Variants in USP49 observed in about 807,000 individuals in gnomAD.
USP49 encodes ubiquitin specific peptidase 49, also known as ubiquitin carboxyl-terminal hydrolase 49.
In USP49, 24 loss-of-function variants were observed where a neutral mutation model predicts 58.6. That is an observed-to-expected ratio of 0.41 (90% CI 0.30 to 0.58). USP49 has a LOEUF of 0.58. Ranked by LOEUF, USP49 falls within the 20% of genes least tolerant of loss-of-function variation. The pLI is 0.30. For synonymous variants in USP49, 408 were observed against 365.1 expected, an observed-to-expected ratio of 1.12 and a Z score of -1.34; for missense variants, 703 against 866.1, an observed-to-expected ratio of 0.81 and a Z score of 2.36.
At chr6:41,836,744 G>A (rs946087245) in intron 3 of USP49, among the ~76,000 whole-genome samples, 1 of 152,020 alleles carries the variant, frequency 6.6e-6, no homozygotes, top group African/African-American at 2.4e-5. Context: ...CTTCAGTAAA[G>A]TTTCAGGGTG....
chr6:41,852,334 A>C (rs1043443920), intron 3 of USP49, among the ~76,000 whole-genome samples: 1 of 152,230 alleles, frequency 6.6e-6, no homozygotes, highest in Non-Finnish European at 1.5e-5. Flanking sequence ...TCAGAAAAGA[A>C]AGAAAAAGAA....
intron 2 of USP49, among the ~76,000 whole-genome samples, chr6:41,876,256 T>A (rs1561925185): frequency 6.6e-6 from 1 of 152,018 alleles, no homozygotes. Flanking sequence ...TGTTTTGGAG[T>A]GGAAACATAT....
chr6:41,879,732 T>G, intron 2 of USP49, among the ~76,000 whole-genome samples: 1 of 152,200 alleles, frequency 6.6e-6, no homozygotes, highest in African/African-American at 2.4e-5. Context: ...GAAACATCCC[T>G]AGCCATTTTC....
At chr6:41,855,535 C>A (rs1774113308) in intron 3 of USP49, among the ~76,000 whole-genome samples, 1 of 152,062 alleles carries the variant, frequency 6.6e-6, no homozygotes, top group Non-Finnish European at 1.5e-5. Context: ...AACAGACAAA[C>A]AAAAGAAAAG....
At position 41,806,099 on chromosome 6, in the gene USP49, T is replaced by C. The variant is rs759360311; in HGVS notation, c.885A>G (p.Lys295=). 2.5e-6 allele frequency: 4 copies of C among 1,613,998 alleles called. No individual in the cohort carries two copies. Among genetic ancestry groups the C allele is most frequent in the Admixed American group, 1.7e-5 (1 of 60,032 alleles). ...DPSKTEHLFP[K]ATNGKTQLSG... is the part of the protein sequence containing the mutation. ...AAAGCTGAGTCTTCCCGTTGGTGGC[T>C]TTGGGAAACAGATGTTCCGTTTTGG... Residue 295 remains lysine (K), a synonymous_variant, in exon 4 of 8, where the codon AAA becomes AAG. Coordinates refer to ENST00000682992, the MANE Select transcript of USP49 (RefSeq NM_001286554.2). The surrounding 1 kb of genome is among the most constrained non-coding windows in gnomAD (Gnocchi z 5.9).
rs1739192759 is a variant in USP49 at position 41,800,769 on chromosome 6, T to C, written c.1562-831A>G. 2.6e-5 allele frequency among the ~76,000 whole-genome samples: 4 copies of C among 152,238 alleles called. No homozygotes were observed. In the South Asian group the frequency reaches 8.3e-4, roughly 32 times the overall value. On this transcript the variant is annotated intron_variant, in intron 5 of 7. Coordinates refer to ENST00000682992, the MANE Select transcript of USP49 (RefSeq NM_001286554.2). ...GGAAAAAAAGGATAAGATTACTAAA[T>C]GATAGAGTATTTAAACACATTTTTT...
intron 3 of USP49, among the ~76,000 whole-genome samples, chr6:41,851,703 C>G (rs1408184695): frequency 1.3e-5 from 2 of 151,310 alleles, no homozygotes; most frequent in African/African-American, 4.9e-5. Flanking sequence ...ACCTGTAATC[C>G]CAGCACTTTG....
intron 2 of USP49, among the ~76,000 whole-genome samples, chr6:41,890,378 C>CA (rs34841111): frequency 0.53 from 72,269 of 135,408 alleles, 18,566 homozygotes; most frequent in Middle Eastern, 0.62. Flanking sequence ...TACTCCAACT[C>CA]AAAAAAAAAA....
intron 2 of USP49, among the ~76,000 whole-genome samples, chr6:41,885,388 A>T (rs1361057565): frequency 6.6e-6 from 1 of 152,200 alleles, no homozygotes; most frequent in Non-Finnish European, 1.5e-5. Flanking sequence ...TCCAAATGTT[A>T]ACTAGTATAC....
intron 3 of USP49, among the ~76,000 whole-genome samples, chr6:41,819,158 A>G (rs985947692): frequency 6.6e-6 from 1 of 152,156 alleles, no homozygotes; most frequent in African/African-American, 2.4e-5. Context: ...CAGCATGTGG[A>G]TATCTGCAAG....
At chr6:41,851,259 A>G (rs1011235861) in intron 3 of USP49, among the ~76,000 whole-genome samples, 1 of 152,254 alleles carries the variant, frequency 6.6e-6, no homozygotes, top group Non-Finnish European at 1.5e-5. Flanking sequence ...TGGAAAATTC[A>G]GTAGCATGTT....
intron 2 of USP49, among the ~76,000 whole-genome samples, chr6:41,883,643 T>TA (rs908801164): frequency 4.1e-4 from 62 of 150,954 alleles, no homozygotes; most frequent in Middle Eastern, 3.4e-3. Context: ...AATAAATAAA[T>TA]AAATAAAATA....
intron 2 of USP49, 72 bp downstream of exon 2, chr6:41,891,722 A>C (rs568363129): frequency 6.6e-6 from 1 of 152,324 alleles, no homozygotes; most frequent in African/African-American, 2.4e-5. Flanking sequence ...AATGCTTGCA[A>C]AGATTATCTA....
chr6:41,824,933 C>T lies in USP49; in HGVS notation c.-28-17922G>A, dbSNP rs567029798. Reference sequence around the variant, plus strand: ...CAAAGACGTGGACTGTGCATGAACCCTCATCTCTTGTACAAGAATAAAGCA... The same window carrying T: ...CAAAGACGTGGACTGTGCATGAACCTTCATCTCTTGTACAAGAATAAAGCA... On this transcript the variant is annotated intron_variant, in intron 3 of 7. Coordinates refer to ENST00000682992, the MANE Select transcript of USP49 (RefSeq NM_001286554.2). 2.6e-5 allele frequency among the ~76,000 whole-genome samples: 4 copies of T among 152,282 alleles called. No individual in the cohort carries two copies. The South Asian group carries it at 8.3e-4, about 32-fold the overall frequency.
At chr6:41,813,693 C>T (rs1032487844) in intron 3 of USP49, among the ~76,000 whole-genome samples, 3 of 152,150 alleles carry the variant, frequency 2.0e-5, no homozygotes, top group Non-Finnish European at 4.4e-5. Context: ...AGAGTAAATC[C>T]ATTCAGGAAA....
rs1459318824 is a variant in USP49, at chr6:41,881,008, T to C, written c.-102-9371A>G. ...AGTGCAGTGGTATGGTCTTGGCTCA[T>C]TGCAACCTCTGTCTTCCGGATTCCA... On this transcript the variant is annotated intron_variant, in intron 2 of 7. Coordinates refer to ENST00000682992, the MANE Select transcript of USP49 (RefSeq NM_001286554.2). 3.9e-5 allele frequency among the ~76,000 whole-genome samples: 6 copies of C among 151,986 alleles called. No individual in the cohort carries two copies. In the East Asian group the frequency reaches 7.7e-4, roughly 20 times the overall value.
rs116376237 is a variant in USP49 at position 41,828,967 on chromosome 6, T to C, written c.-28-21956A>G. Among the ~76,000 whole-genome samples the C allele has an allele frequency of 5.3e-3, 813 of 152,316 alleles. 3 individuals carry two copies. The highest frequency in any genetic ancestry group is 8.6e-3 in the Non-Finnish European group (588 of 68,024). On this transcript the variant is annotated intron_variant, in intron 3 of 7. Coordinates refer to ENST00000682992, the MANE Select transcript of USP49 (RefSeq NM_001286554.2). Reference sequence around the variant, plus strand: ...TTATTATATGAAGTCCTCCCATCCATGAACATGCTATCTCTCTGTTTATCC... The same window carrying C: ...TTATTATATGAAGTCCTCCCATCCACGAACATGCTATCTCTCTGTTTATCC...
intron 3 of USP49, among the ~76,000 whole-genome samples, chr6:41,821,872 A>C (rs1008195261): frequency 1.3e-5 from 2 of 152,142 alleles, no homozygotes; most frequent in Non-Finnish European, 2.9e-5. Context: ...TATATTTAAA[A>C]ATCCAATATT....
At chr6:41,848,350 T>A (rs191660929) in intron 3 of USP49, among the ~76,000 whole-genome samples, 1 of 151,970 alleles carries the variant, frequency 6.6e-6, no homozygotes, top group African/African-American at 2.4e-5. Flanking sequence ...CAATAGTAAA[T>A]CCTTCCCTCC....
Sources: gnomAD v4.1 joint callset for allele counts (sites outside exome capture counted in the v4.1 genomes callset) on GRCh38, gnomAD v4.1.1 for gene constraint, Gnocchi (gnomAD v3.1) non-coding constraint, MANE v1.5 for transcripts, NCBI Gene and HGNC (gene_info 2026-07-23, HGNC 2026-07-21) for gene names.